Variants in BTN3A1 observed in about 807,000 individuals in gnomAD.
The protein encoded by BTN3A1 is butyrophilin subfamily 3 member A1.
Under a neutral mutation model 43.0 loss-of-function variants are expected in BTN3A1, and 24 were observed. That is an observed-to-expected ratio of 0.56 (90% CI 0.40 to 0.78). The LOEUF (loss-of-function observed/expected upper bound fraction) is 0.78. Ranked by LOEUF, BTN3A1 falls within the 30% of genes least tolerant of loss-of-function variation. The probability of loss-of-function intolerance (pLI) is 0.00; values close to 1 mark genes in which losing one functional copy is unlikely to be tolerated. For missense variants in BTN3A1, 533 were observed against 626.2 expected (o/e 0.85, Z 1.59); for synonymous variants, 181 against 234.7 (o/e 0.77, Z 2.09).
chr6:26,405,965 G>A lies in BTN3A1; in HGVS notation c.142G>A (p.Ala48Thr), dbSNP rs377117570. 1.0e-5 allele frequency: 16 copies of A among 1,602,998 alleles called. No individual in the cohort carries two copies. The South Asian group carries it at 1.0e-4, about 10-fold the overall frequency. The stretch of plus-strand genomic sequence containing the variant: ...CATCCTGGCCATGGTGGGTGAAGAC[G>A]CTGATCTGCCCTGTCACCTGTTCCC... ...GPILAMVGED[A>T]DLPCHLFPTM... The change falls in exon 3 of 10, where the codon GCT (alanine) becomes ACT (threonine). Residue 48 changes from alanine to threonine, a missense_variant. Physicochemically the swap from Ala to Thr is moderately conservative, Grantham distance 58. Coordinates refer to ENST00000289361, the MANE Select transcript of BTN3A1 (RefSeq NM_007048.6).
At chr6:26,407,519 T>G (rs1037226193) in intron 3 of BTN3A1, 152 bp from the exon 4 acceptor site, 8 of 947,860 alleles carry the variant, frequency 8.4e-6, no homozygotes, top group Non-Finnish European at 1.1e-5. Flanking sequence ...CACTCATTCA[T>G]GTAGCTTTCT....
chr6:26,411,000 T>TAAAAAAAAAAAAAAAAAAAA (rs1170183887), intron 7 of BTN3A1, 109 bp from the exon 8 acceptor site: 12 of 359,638 alleles, frequency 3.3e-5, no homozygotes, highest in African/African-American at 2.4e-4. Flanking sequence ...ATACAGGTGG[T>TAAAAAAAAAAAAAAAAAAAA]AAAAAAAAAA....
intron 9 of BTN3A1, chr6:26,412,622 T>C (rs1762257676): frequency 1.3e-6 from 2 of 1,548,420 alleles, no homozygotes; most frequent in Non-Finnish European, 1.7e-6. Context: ...AGGAGCTTCC[T>C]TCATGGCCTG....
intron 7 of BTN3A1, among the ~76,000 whole-genome samples, chr6:26,410,394 T>A (rs1399433558): frequency 1.9e-4 from 29 of 151,952 alleles, no homozygotes; most frequent in Non-Finnish European, 4.4e-5. Context: ...GGCACATTTG[T>A]AAAGGAAGGG....
chr6:26,405,824 T>C, intron 2 of BTN3A1, 85 bp from the exon 3 acceptor site: 1 of 1,608,726 alleles, frequency 6.2e-7, no homozygotes, highest in Non-Finnish European at 8.5e-7. Context: ...TCTTTGTATC[T>C]CGCCTTCCCT....
At position 26,413,248 on chromosome 6, in the gene BTN3A1, G is replaced by A. The variant is rs780627029; in HGVS notation, c.1098G>A (p.Lys366=). 16 of 1,614,116 alleles carry A rather than the reference G, an allele frequency of 9.9e-6. No homozygotes were observed. The highest frequency in any genetic ancestry group is 1.3e-5 in the Non-Finnish European group (15 of 1,180,008). ...SEDQRSVQRA[K]EPQDLPDNPE... is the part of the protein sequence containing the mutation. ...ACCAGAGGAGTGTGCAGCGTGCCAA[G>A]GAGCCCCAGGATCTGCCAGACAACC... The change falls in exon 10 of 10, where the codon AAG becomes AAA. Residue 366 remains lysine, a synonymous_variant. Transcript: ENST00000289361.
At position 26,413,760 on chromosome 6, in the gene BTN3A1, G is replaced by A. The variant is rs536344549; in HGVS notation, c.*68G>A. 9.3e-5 allele frequency: 149 copies of A among 1,604,426 alleles called. No homozygotes were observed. In the African/African-American group the frequency reaches 1.4e-3, roughly 15 times the overall value. On this transcript the variant is annotated 3_prime_UTR_variant, in exon 10 of 10. Transcript: ENST00000289361. ...ATTCCCTAGAGACACCAGTAACCCC[G>A]GGCTTAGCTAACGAAAGTGGGGAGC... is the stretch of plus-strand genomic sequence containing the variant.
rs560671772 is a variant in BTN3A1, at chr6:26,414,653, G to A, written c.*961G>A. The stretch of plus-strand genomic sequence containing the variant: ...TACCCTAGAGATTCTCTGTGATATA[G>A]GAAATTTGGATGAAGGGAGCTAGAA... On this transcript the variant is annotated 3_prime_UTR_variant, in exon 10 of 10. Transcript: ENST00000289361. 2.6e-5 allele frequency: 4 copies of A among 151,980 alleles called. No individual in the cohort carries two copies. The highest frequency in any genetic ancestry group is 2.6e-4 in the Admixed American group (4 of 15,268). The allele number at this position is 151,980 out of a possible 1,614,324, so 9.4% of individuals were successfully genotyped here.
chr6:26,405,687 T>C (rs1343431180), intron 2 of BTN3A1, 39 bp downstream of exon 2: 5 of 1,609,236 alleles, frequency 3.1e-6, no homozygotes, highest in Non-Finnish European at 4.3e-6. Flanking sequence ...AAGCAGACAA[T>C]TACCTAATTA....
chr6:26,404,172 G>A (rs576703390), intron 1 of BTN3A1: 1 of 152,342 alleles, frequency 6.6e-6, no homozygotes, highest in Admixed American at 6.5e-5. Flanking sequence ...CCCACAGCAA[G>A]AGGGATTATG....
chr6:26,412,259 C>T (rs1762245826), intron 9 of BTN3A1: 3 of 578,962 alleles, frequency 5.2e-6, no homozygotes, highest in Non-Finnish European at 9.3e-6. Context: ...GAGGCAGTTA[C>T]TGGAACCCAG....
Position 26,413,951 on chromosome 6 carries a change from T to C in BTN3A1, c.*259T>C, listed in dbSNP as rs56143200. On this transcript the variant is annotated 3_prime_UTR_variant, in exon 10 of 10. Coordinates refer to ENST00000289361, the MANE Select transcript of BTN3A1 (RefSeq NM_007048.6). The stretch of plus-strand genomic sequence containing the variant: ...TGACAGTTGTTTGAGTTTGGTACCA[T>C]CTTATTTTCCCCTTATACAGATAAG... 90,222 of 565,316 alleles carry C rather than the reference T, an allele frequency of 0.16. 7,990 individuals are homozygous for C. The highest frequency in any genetic ancestry group is 0.22 in the South Asian group (11,203 of 50,410). 35.0% of individuals were successfully genotyped at this position (565,316 alleles called of 1,614,324 possible). A position where few individuals can be genotyped will look rare whatever the true frequency, so the allele number is the denominator to read the frequency against.
chr6:26,412,331 C>CA, intron 9 of BTN3A1: 1 of 667,722 alleles, frequency 1.5e-6, no homozygotes, highest in South Asian at 1.7e-5. Context: ...GTTAGAGCAG[C>CA]AGCAGCTGCT....
chr6:26,405,950 A>C lies in BTN3A1; in HGVS notation c.127A>C (p.Met43Leu), dbSNP rs763634366. 1.2e-6 allele frequency: 2 copies of C among 1,612,762 alleles called. No individual in the cohort carries two copies. The highest frequency in any genetic ancestry group is 2.2e-5 in the South Asian group (2 of 90,908). ...VLGPSGPILA[M>L]VGEDADLPCH... is the part of the protein sequence containing the mutation. ...TGGACCCTCTGGGCCCATCCTGGCC[A>C]TGGTGGGTGAAGACGCTGATCTGCC... is the stretch of plus-strand genomic sequence containing the variant. The change falls in exon 3 of 10, where the codon ATG (methionine) becomes CTG (leucine). Residue 43 changes from methionine to leucine, a missense_variant. Met to Leu is a conservative substitution (Grantham distance 15). This residue lies in a region of BTN3A1 where 56 missense variants were observed against 67.1 expected (regional missense o/e 0.83). Coordinates refer to ENST00000289361, the MANE Select transcript of BTN3A1 (RefSeq NM_007048.6).
At chr6:26,411,993 T>C in intron 9 of BTN3A1, 1 of 221,834 alleles carries the variant, frequency 4.5e-6, no homozygotes, top group African/African-American at 2.3e-5. Context: ...AAAAACTTAA[T>C]GCTTCTGAGC....
intron 7 of BTN3A1, 67 bp downstream of exon 7, chr6:26,410,099 C>G: frequency 6.3e-7 from 1 of 1,593,502 alleles, no homozygotes; most frequent in Non-Finnish European, 8.6e-7. Context: ...AGTTTCCACT[C>G]TTAACTCTTT....
chr6:26,403,855 A>G (rs1264803801), intron 1 of BTN3A1, among the ~76,000 whole-genome samples: 1 of 152,076 alleles, frequency 6.6e-6, no homozygotes, highest in Non-Finnish European at 1.5e-5. Context: ...CATTTGCAAT[A>G]TTGACTATAA....
chr6:26,410,258 G>T lies in BTN3A1; in HGVS notation c.964+226G>T, dbSNP rs186738119. Among the ~76,000 whole-genome samples the T allele has an allele frequency of 7.3e-5, 11 of 151,244 alleles. No individual in the cohort carries two copies. In the East Asian group the frequency reaches 2.1e-3, roughly 29 times the overall value. ...GTGTGGCTGATTGGAGTAACACCCAGGAGGAGTGTTTCTTTCTCCCTCTCT... is the reference window on the plus strand; with the variant it reads ...GTGTGGCTGATTGGAGTAACACCCATGAGGAGTGTTTCTTTCTCCCTCTCT... On this transcript the variant is annotated intron_variant, in intron 7 of 9. Transcript: ENST00000289361.
chr6:26,412,413 G>A, intron 9 of BTN3A1: 1 of 968,382 alleles, frequency 1.0e-6, no homozygotes, highest in Non-Finnish European at 1.6e-6. Context: ...TCCTATCAGG[G>A]CCTCCCATTG....
Sources: gnomAD v4.1 joint callset for allele counts (sites outside exome capture counted in the v4.1 genomes callset) on GRCh38, gnomAD v4.1.1 for gene constraint, gnomAD v4.1.1 regional missense constraint, MANE v1.5 for transcripts, NCBI Gene and HGNC (gene_info 2026-07-23, HGNC 2026-07-21) for gene names.